Variants in STPG2 observed in about 807,000 individuals in gnomAD.
STPG2 encodes sperm-tail PG-rich repeat-containing protein 2.
In STPG2, 56 loss-of-function variants were observed where a neutral mutation model predicts 54.2. That is an observed-to-expected ratio of 1.03 (90% CI 0.83 to 1.29). The LOEUF (loss-of-function observed/expected upper bound fraction) is 1.29. Among genes scored for constraint, STPG2 ranks in the 50% most tolerant of loss-of-function variants. STPG2 has a pLI of 0.00. For synonymous variants in STPG2, 200 were observed against 181.8 expected (o/e 1.10, Z -0.81); for missense variants, 596 against 544.9 (o/e 1.09, Z -0.93).
At chr4:98,101,020 T>C (rs1440691425) in intron 5 of STPG2, among the ~76,000 whole-genome samples, 1 of 151,454 alleles carries the variant, frequency 6.6e-6, no homozygotes, top group East Asian at 1.9e-4. Context: ...TCCAAAGTGT[T>C]ATTTTCCTTG....
intron 8 of STPG2, among the ~76,000 whole-genome samples, chr4:97,911,077 C>T (rs1676898691): frequency 6.6e-6 from 1 of 152,202 alleles, no homozygotes; most frequent in South Asian, 2.1e-4. Context: ...CAGCTCCAGC[C>T]AAGAAAGGGG....
intron 9 of STPG2, among the ~76,000 whole-genome samples, chr4:97,788,312 G>A (rs1191802374): frequency 6.6e-6 from 1 of 151,942 alleles, no homozygotes; most frequent in African/African-American, 2.4e-5. Context: ...CCACAAATAA[G>A]TGACAACATG....
At chr4:97,960,221 A>T (rs1733835185) in intron 7 of STPG2, among the ~76,000 whole-genome samples, 1 of 152,166 alleles carries the variant, frequency 6.6e-6, no homozygotes, top group Non-Finnish European at 1.5e-5. Flanking sequence ...GCCATCTATG[A>T]CAAACCACAA....
At chr4:97,618,854 A>T (rs1347454337) in intron 10 of STPG2, among the ~76,000 whole-genome samples, 1 of 152,180 alleles carries the variant, frequency 6.6e-6, no homozygotes, top group Non-Finnish European at 1.5e-5. Context: ...TATTGTTATG[A>T]GTTGTTACTT....
intron 4 of STPG2, among the ~76,000 whole-genome samples, chr4:97,502,901 T>G (rs1193160668): frequency 6.6e-6 from 1 of 151,964 alleles, no homozygotes; most frequent in Non-Finnish European, 1.5e-5. Context: ...TCTCTCTCTC[T>G]CTCTCATTCA....
chr4:97,921,325 G>A (rs145572393), intron 8 of STPG2, among the ~76,000 whole-genome samples: 1 of 152,154 alleles, frequency 6.6e-6, no homozygotes, highest in East Asian at 1.9e-4. Context: ...ACCTACCCCA[G>A]TTTCCAAAGT....
At chr4:98,062,044 C>T (rs1737677159) in intron 5 of STPG2, among the ~76,000 whole-genome samples, 2 of 152,088 alleles carry the variant, frequency 1.3e-5, no homozygotes, top group Non-Finnish European at 2.9e-5. Context: ...ATGGAATTAA[C>T]CTAAATGCCC....
At chr4:97,830,268 C>T (rs888632977) in intron 9 of STPG2, among the ~76,000 whole-genome samples, 1 of 152,120 alleles carries the variant, frequency 6.6e-6, no homozygotes. Flanking sequence ...CATATCCAGC[C>T]AAACTAAGTT....
At chr4:97,847,597 T>C (rs949343280) in intron 8 of STPG2, among the ~76,000 whole-genome samples, 4 of 152,136 alleles carry the variant, frequency 2.6e-5, no homozygotes, top group African/African-American at 7.2e-5. Flanking sequence ...ACATAGGGAA[T>C]AACACAACAG....
At position 97,968,986 on chromosome 4, in the gene STPG2, T is replaced by A. The variant is rs1213339887; in HGVS notation, c.933+3294A>T. Among the ~76,000 whole-genome samples, 35 of 152,128 alleles carry A rather than the reference T, an allele frequency of 2.3e-4. 2 individuals carry two copies. The highest frequency in any genetic ancestry group is 2.2e-4 in the Non-Finnish European group (15 of 68,036). ...AAGCAAAGGTTCATAGCTCTGGGAA[T>A]GGAATGCAACCCTTGTGGAGAGCCT... On this transcript the variant is annotated intron_variant, in intron 7 of 10. Transcript: ENST00000295268.
At chr4:97,614,812 A>G (rs373342701) in intron 10 of STPG2, among the ~76,000 whole-genome samples, 2 of 152,292 alleles carry the variant, frequency 1.3e-5, no homozygotes, top group South Asian at 2.1e-4. Flanking sequence ...TTTGATACCC[A>G]TAACATGGAA....
chr4:97,564,331 G>C (rs1484212069), intron 10 of STPG2, among the ~76,000 whole-genome samples: 3 of 152,148 alleles, frequency 2.0e-5, no homozygotes, highest in Non-Finnish European at 2.9e-5. Flanking sequence ...GTGTGTCTCT[G>C]CATGTGAGAT....
chr4:97,989,383 A>G (rs1008767627), intron 5 of STPG2, among the ~76,000 whole-genome samples: 4 of 152,162 alleles, frequency 2.6e-5, no homozygotes, highest in Non-Finnish European at 1.5e-5. Flanking sequence ...ATAGGTTCCA[A>G]GTCTCCCAGT....
At chr4:97,875,018 CATTT>C (rs1395385215) in intron 8 of STPG2, among the ~76,000 whole-genome samples, 1 of 151,854 alleles carries the variant, frequency 6.6e-6, no homozygotes, top group Non-Finnish European at 1.5e-5. Context: ...CATTATATTT[CATTT>C]ATTTTATTTG....
chr4:97,981,387 C>A (rs572133893), intron 5 of STPG2, 69 bp from the exon 6 acceptor site: 25 of 1,503,132 alleles, frequency 1.7e-5, no homozygotes, highest in Middle Eastern at 3.8e-4. Context: ...GAGTTAAAAC[C>A]TGCCTTTTGA....
Position 98,143,159 on chromosome 4 carries a change from G to A in STPG2, c.-9C>T, listed in dbSNP as rs142782230. 1.4e-5 allele frequency: 22 copies of A among 1,608,262 alleles called. No individual in the cohort carries two copies. In the East Asian group the frequency reaches 4.2e-4, roughly 31 times the overall value. ...GGAGCCCGATCATACATAGTGCTCG[G>A]GGTGGTGGGGGCGCTGGGGAAGGGC... On this transcript the variant is annotated 5_prime_UTR_variant, in exon 1 of 11. Coordinates refer to ENST00000295268, the MANE Select transcript of STPG2 (RefSeq NM_174952.3).
At chr4:98,071,819 C>G (rs992778337) in intron 5 of STPG2, among the ~76,000 whole-genome samples, 2 of 152,180 alleles carry the variant, frequency 1.3e-5, no homozygotes, top group Non-Finnish European at 2.9e-5. Flanking sequence ...CTCAACATCA[C>G]TAATCATTAG....
Position 98,109,299 on chromosome 4 carries a change from A to C in STPG2, c.394T>G (p.Ser132Ala). The C allele has an allele frequency of 6.3e-7, 1 of 1,592,630 alleles. No homozygotes were observed. The highest frequency in any genetic ancestry group is 2.2e-5 in the East Asian group (1 of 44,652). Residue 132 changes from serine (S) to alanine (A), a missense_variant, in exon 4 of 11, where the codon TCC becomes GCC. Ser to Ala is a moderately conservative substitution (Grantham distance 99, BLOSUM62 1). Transcript: ENST00000295268. ...PAYYKPQFDVSNATLKYKGIH... is the reference protein window; with the variant it reads ...PAYYKPQFDVANATLKYKGIH... ...CCTTTGTATTTCAAAGTTGCATTGG[A>C]AACATCCTAAAAAATAAAAAGTTTT...
chr4:98,114,178 T>G (rs189412495), intron 3 of STPG2, among the ~76,000 whole-genome samples: 31 of 152,218 alleles, frequency 2.0e-4, no homozygotes, highest in Non-Finnish European at 1.8e-4. Flanking sequence ...CCAGATCACC[T>G]TTCAAATGCA....
Sources: allele counts gnomAD v4.1 joint callset (sites outside exome capture counted in the v4.1 genomes callset), GRCh38; gene constraint gnomAD v4.1.1; transcripts MANE v1.5; gene names NCBI Gene and HGNC (gene_info 2026-07-23, HGNC 2026-07-21).